The following SERPINI1 variants were observed in gnomAD, a reference collection of about 807,000 sequenced individuals.
SERPINI1 encodes serpin family I member 1.
A neutral mutation model predicts 41.1 loss-of-function variants in SERPINI1; 19 were observed. The ratio of observed to expected loss-of-function variants is 0.46; its 90% CI spans 0.32 to 0.68. SERPINI1 has a LOEUF of 0.68. Among genes scored for constraint, SERPINI1 ranks in the 30% least tolerant of loss-of-function variants. SERPINI1 has a pLI of 0.03. For synonymous variants in SERPINI1, 138 were observed against 156.6 expected, an observed-to-expected ratio of 0.88 and a Z score of 0.89; for missense variants, 460 against 479.2, an observed-to-expected ratio of 0.96 and a Z score of 0.37.
intron 1 of SERPINI1, among the ~76,000 whole-genome samples, chr3:167,765,813 T>C (rs966341138): frequency 5.9e-5 from 9 of 152,202 alleles, no homozygotes; most frequent in African/African-American, 1.9e-4. Flanking sequence ...CTCTGCCAGA[T>C]ACCCTAAATC....
intron 1 of SERPINI1, among the ~76,000 whole-genome samples, chr3:167,743,302 A>G (rs1725741191): frequency 6.6e-6 from 1 of 152,156 alleles, no homozygotes. Flanking sequence ...ACATCTATAG[A>G]GTGATTATTA....
intron 1 of SERPINI1, among the ~76,000 whole-genome samples, chr3:167,767,035 T>C (rs1412659370): frequency 6.6e-6 from 1 of 152,246 alleles, no homozygotes; most frequent in East Asian, 1.9e-4. Context: ...TGAAACACCC[T>C]TATACTGTAA....
chr3:167,785,335 G>A (rs1727271307), intron 1 of SERPINI1, among the ~76,000 whole-genome samples: 1 of 152,204 alleles, frequency 6.6e-6, no homozygotes, highest in African/African-American at 2.4e-5. Context: ...TAATGAGGAT[G>A]CTAGGGCTGA....
At chr3:167,807,639 G>A (rs910237422) in intron 6 of SERPINI1, among the ~76,000 whole-genome samples, 6 of 152,016 alleles carry the variant, frequency 3.9e-5, no homozygotes, top group Non-Finnish European at 5.9e-5. Context: ...TTGTAGAATA[G>A]GTAATCAATA....
intron 1 of SERPINI1, among the ~76,000 whole-genome samples, chr3:167,752,544 T>C (rs1577399971): frequency 1.3e-5 from 2 of 152,204 alleles, no homozygotes; most frequent in South Asian, 4.1e-4. Flanking sequence ...CTATCTTCAT[T>C]GCAACCCCCA....
chr3:167,766,554 G>T (rs1726574876), intron 1 of SERPINI1, among the ~76,000 whole-genome samples: 1 of 152,190 alleles, frequency 6.6e-6, no homozygotes, highest in Non-Finnish European at 1.5e-5. Flanking sequence ...AGTGAGGAAG[G>T]CATGTTAAAA....
intron 1 of SERPINI1, among the ~76,000 whole-genome samples, chr3:167,747,682 C>A (rs1725905227): frequency 6.6e-6 from 1 of 152,026 alleles, no homozygotes; most frequent in South Asian, 2.1e-4. Flanking sequence ...AGATTATACA[C>A]CTTAAAAGGG....
intron 1 of SERPINI1, among the ~76,000 whole-genome samples, chr3:167,754,243 T>G (rs1559996114): frequency 6.6e-6 from 1 of 152,110 alleles, no homozygotes; most frequent in Non-Finnish European, 1.5e-5. Context: ...ATCCCAGAAA[T>G]AGGGGAAGTG....
intron 5 of SERPINI1, among the ~76,000 whole-genome samples, chr3:167,806,786 T>A (rs1711660132): frequency 6.6e-6 from 1 of 151,934 alleles, no homozygotes; most frequent in Non-Finnish European, 1.5e-5. Flanking sequence ...GAAAGTAACA[T>A]AAATTGACCA....
At chr3:167,793,701 T>C (rs1032276315) in intron 4 of SERPINI1, among the ~76,000 whole-genome samples, 3 of 151,248 alleles carry the variant, frequency 2.0e-5, no homozygotes, top group Non-Finnish European at 4.4e-5. Context: ...TGCAGTGAGC[T>C]ATGATCACAC....
At chr3:167,800,599 T>C (rs376943378) in intron 5 of SERPINI1, among the ~76,000 whole-genome samples, 12 of 152,312 alleles carry the variant, frequency 7.9e-5, no homozygotes, top group African/African-American at 2.9e-4. Flanking sequence ...GTATGTAGTA[T>C]CAGTCTACTC....
At chr3:167,804,325 T>C (rs1325353264) in intron 5 of SERPINI1, among the ~76,000 whole-genome samples, 1 of 152,178 alleles carries the variant, frequency 6.6e-6, no homozygotes, top group African/African-American at 2.4e-5. Flanking sequence ...TTCCTTCTCA[T>C]TTTCCTTAAA....
intron 1 of SERPINI1, among the ~76,000 whole-genome samples, chr3:167,766,972 G>A (rs1416324911): frequency 6.6e-6 from 1 of 152,218 alleles, no homozygotes; most frequent in Non-Finnish European, 1.5e-5. Flanking sequence ...AGAAGATCTA[G>A]CTAAGATGAC....
At chr3:167,792,898 T>C (rs777027183) in intron 4 of SERPINI1, 114 bp downstream of exon 4, 38 of 901,440 alleles carry the variant, frequency 4.2e-5, no homozygotes, top group Non-Finnish European at 6.1e-5. Context: ...GGGCTACAAT[T>C]CAATTTTTTG....
Position 167,792,769 on chromosome 3 carries a change from G to T in SERPINI1, c.661G>T (p.Gly221Ter). 1 of 1,613,340 alleles carries T rather than the reference G, an allele frequency of 6.2e-7. No individual in the cohort carries two copies. The highest frequency in any genetic ancestry group is 8.5e-7 in the Non-Finnish European group (1 of 1,179,526). The change falls in exon 4 of 9, where the codon GGA becomes TGA. Residue 221 changes from glycine (G) to a stop codon, truncating the protein, a stop_gained. Coordinates refer to ENST00000446050, the MANE Select transcript of SERPINI1 (RefSeq NM_001122752.2). LOFTEE classifies it high-confidence loss of function. ...EVQIPMMYQQ[G>*]EFYYGEFSDG... ...CCAAATTCCAATGATGTATCAGCAA[G>T]GAGAATTTTATTATGGTAAGACATT... is the stretch of plus-strand genomic sequence containing the variant.
At chr3:167,796,506 C>T (rs545033367) in intron 5 of SERPINI1, among the ~76,000 whole-genome samples, 90 of 152,202 alleles carry the variant, frequency 5.9e-4, no homozygotes, top group African/African-American at 2.1e-3. Flanking sequence ...GATACTCTCC[C>T]TCCCCGCAAC....
intron 1 of SERPINI1, among the ~76,000 whole-genome samples, chr3:167,764,974 A>G (rs1305610446): frequency 6.6e-6 from 1 of 152,164 alleles, no homozygotes; most frequent in Non-Finnish European, 1.5e-5. Context: ...GTAGGTTCTC[A>G]TTGTCTTGGG....
At chr3:167,818,828 G>T (rs193081701) in intron 6 of SERPINI1, among the ~76,000 whole-genome samples, 1 of 152,298 alleles carries the variant, frequency 6.6e-6, no homozygotes, top group Admixed American at 6.5e-5. Context: ...AGTGCCTACT[G>T]CAGCCAGCTG....
intron 1 of SERPINI1, among the ~76,000 whole-genome samples, chr3:167,738,746 CCTTTTTTATG>C (rs1725568698): frequency 2.0e-5 from 3 of 151,028 alleles, no homozygotes; most frequent in Non-Finnish European, 4.4e-5. Flanking sequence ...GATTAACCTT[CCTTTTTTATG>C]CTTTTATAAC....
Sources: gnomAD v4.1 joint callset for allele counts (sites outside exome capture counted in the v4.1 genomes callset) on GRCh38, gnomAD v4.1.1 for gene constraint, MANE v1.5 for transcripts, NCBI Gene and HGNC (gene_info 2026-07-23, HGNC 2026-07-21) for gene names.